Variants in ACVR1C observed in about 807,000 individuals in gnomAD.
ACVR1C encodes activin receptor type-1C.
ACVR1C carries 23 observed loss-of-function variants against 57.9 expected under a neutral mutation model. That is an observed-to-expected ratio of 0.40 (90% CI 0.29 to 0.56). The LOEUF (loss-of-function observed/expected upper bound fraction) is 0.56, where lower values mean the gene tolerates loss of function less well. Ranked by LOEUF, ACVR1C falls within the 20% of genes least tolerant of loss-of-function variation. The pLI, the probability that ACVR1C is intolerant of heterozygous loss-of-function variation, is 0.50. For missense variants in ACVR1C, 480 were observed against 607.9 expected, an observed-to-expected ratio of 0.79 and a Z score of 2.21; for synonymous variants, 214 against 215.3, an observed-to-expected ratio of 0.99 and a Z score of 0.05.
chr2:157,606,713 C>G (rs1011177501), intron 1 of ACVR1C, among the ~76,000 whole-genome samples: 2 of 151,480 alleles, frequency 1.3e-5, no homozygotes, highest in African/African-American at 4.8e-5. Flanking sequence ...ATATTAGTCC[C>G]CTGTCAAATA....
At chr2:157,539,406 C>T (rs1177274194) in intron 7 of ACVR1C, among the ~76,000 whole-genome samples, 1 of 152,092 alleles carries the variant, frequency 6.6e-6, no homozygotes, top group Non-Finnish European at 1.5e-5. Flanking sequence ...CAAGAAATCC[C>T]TTATAAAATC....
intron 1 of ACVR1C, among the ~76,000 whole-genome samples, chr2:157,605,885 T>C (rs1368955954): frequency 6.6e-6 from 1 of 151,622 alleles, no homozygotes; most frequent in African/African-American, 2.4e-5. Flanking sequence ...TATCAAACAT[T>C]AGAACTTATT....
chr2:157,595,094 C>T (rs535512179), intron 1 of ACVR1C, among the ~76,000 whole-genome samples: 1 of 152,240 alleles, frequency 6.6e-6, no homozygotes, highest in Non-Finnish European at 1.5e-5. Context: ...CTGCTAAGCT[C>T]CTCCAGTGTG....
intron 1 of ACVR1C, among the ~76,000 whole-genome samples, chr2:157,627,959 AT>A (rs1682936348): frequency 6.6e-6 from 1 of 152,180 alleles, no homozygotes; most frequent in African/African-American, 2.4e-5. Flanking sequence ...GCTTGCCAGA[AT>A]TTTTTTCCCC....
At chr2:157,565,166 A>G (rs1463310006) in intron 2 of ACVR1C, among the ~76,000 whole-genome samples, 3 of 152,184 alleles carry the variant, frequency 2.0e-5, no homozygotes, top group South Asian at 2.1e-4. Context: ...GGAGGGAAAT[A>G]AGAAAAAGAT....
At chr2:157,613,396 G>T (rs963401583) in intron 1 of ACVR1C, among the ~76,000 whole-genome samples, 2 of 151,988 alleles carry the variant, frequency 1.3e-5, no homozygotes, top group African/African-American at 4.8e-5. Context: ...TTTTAATACT[G>T]TATTGGTTTT....
chr2:157,593,098 C>A (rs1689081857), intron 1 of ACVR1C, among the ~76,000 whole-genome samples: 1 of 151,988 alleles, frequency 6.6e-6, no homozygotes, highest in Admixed American at 6.6e-5. Flanking sequence ...CATCTGTTAC[C>A]CACAAGACAT....
At chr2:157,601,518 G>A (rs1158051820) in intron 1 of ACVR1C, among the ~76,000 whole-genome samples, 1 of 152,072 alleles carries the variant, frequency 6.6e-6, no homozygotes, top group Non-Finnish European at 1.5e-5. Context: ...AAGTCTCAAA[G>A]AATTCATATT....
intron 1 of ACVR1C, among the ~76,000 whole-genome samples, chr2:157,611,690 G>A (rs760998135): frequency 1.2e-4 from 18 of 152,322 alleles, no homozygotes; most frequent in Non-Finnish European, 1.8e-4. Context: ...TAGGTGGCAT[G>A]TGTGGGTATA....
intron 1 of ACVR1C, among the ~76,000 whole-genome samples, chr2:157,619,286 CAG>C (rs2105156873): frequency 6.7e-6 from 1 of 148,386 alleles, no homozygotes; most frequent in East Asian, 2.0e-4. Context: ...AGTTAAATAA[CAG>C]ACATCCAAAT....
intron 8 of ACVR1C, 133 bp downstream of exon 8, chr2:157,538,430 AAAAATCCTTC>A: frequency 1.3e-6 from 1 of 779,294 alleles, no homozygotes; most frequent in Non-Finnish European, 1.8e-6. Flanking sequence ...CTAAAGGGGA[AAAAATCCTTC>A]TGAAGACTTA....
At chr2:157,601,575 G>T (rs190898393) in intron 1 of ACVR1C, among the ~76,000 whole-genome samples, 7 of 152,270 alleles carry the variant, frequency 4.6e-5, no homozygotes, top group African/African-American at 1.7e-4. Flanking sequence ...GAGTCTTGCT[G>T]CTTCTTTGAT....
chr2:157,547,875 G>A (rs1308892051), intron 4 of ACVR1C, among the ~76,000 whole-genome samples: 5 of 150,966 alleles, frequency 3.3e-5, no homozygotes, highest in South Asian at 2.1e-4. Context: ...TTGGTGTTTT[G>A]GACATGAAGT....
At chr2:157,601,277 A>C (rs1025675683) in intron 1 of ACVR1C, among the ~76,000 whole-genome samples, 2 of 152,106 alleles carry the variant, frequency 1.3e-5, no homozygotes, top group African/African-American at 4.8e-5. Flanking sequence ...AGATTGCACC[A>C]CTGCTCTCCA....
chr2:157,556,468 GCT>G, intron 2 of ACVR1C, 136 bp from the exon 3 acceptor site: 1 of 1,139,286 alleles, frequency 8.8e-7, no homozygotes, highest in Non-Finnish European at 1.2e-6. Flanking sequence ...ATTGGTAAAG[GCT>G]CTCTGTGGTA....
intron 1 of ACVR1C, 141 bp downstream of exon 1, chr2:157,628,431 C>T (rs1456222735): frequency 2.0e-6 from 2 of 1,003,612 alleles, no homozygotes; most frequent in Non-Finnish European, 1.5e-6. Flanking sequence ...CCCGCGCCCC[C>T]TCAATCCGAC....
chr2:157,582,095 A>G (rs1374929799), intron 2 of ACVR1C, among the ~76,000 whole-genome samples: 2 of 152,150 alleles, frequency 1.3e-5, no homozygotes, highest in Admixed American at 1.3e-4. Flanking sequence ...AAGCAGGAAG[A>G]CTGCTTAAGG....
At chr2:157,594,105 A>G (rs980654380) in intron 1 of ACVR1C, among the ~76,000 whole-genome samples, 7 of 152,216 alleles carry the variant, frequency 4.6e-5, no homozygotes, top group African/African-American at 1.7e-4. Context: ...TTCCAGCTGT[A>G]GGGCTCAATT....
intron 1 of ACVR1C, among the ~76,000 whole-genome samples, chr2:157,600,011 T>C (rs1682244568): frequency 6.6e-6 from 1 of 152,208 alleles, no homozygotes; most frequent in Non-Finnish European, 1.5e-5. Flanking sequence ...TGCCTTTCAG[T>C]TGTAACGTTC....
Sources: allele counts gnomAD v4.1 joint callset (sites outside exome capture counted in the v4.1 genomes callset), GRCh38; gene constraint gnomAD v4.1.1; transcripts MANE v1.5; gene names NCBI Gene and HGNC (gene_info 2026-07-23, HGNC 2026-07-21).